VEGFC: variants seen among roughly 807,000 people sequenced by gnomAD.
VEGFC encodes FLT4 ligand DHM.
Under a neutral mutation model 46.1 loss-of-function variants are expected in VEGFC, and 12 were observed. The ratio of observed to expected loss-of-function variants is 0.26; its 90% CI spans 0.17 to 0.42. The LOEUF is 0.42. VEGFC is among the 10% of genes least tolerant of loss of function. The probability of loss-of-function intolerance (pLI) is 1.00; values close to 1 mark genes in which losing one functional copy is unlikely to be tolerated. For missense variants in VEGFC, 488 were observed against 529.4 expected, an observed-to-expected ratio of 0.92 and a Z score of 0.77; for synonymous variants, 232 against 195.5, an observed-to-expected ratio of 1.19 and a Z score of -1.56.
chr4:176,774,448 T>C (rs1453325254), intron 1 of VEGFC, among the ~76,000 whole-genome samples: 4 of 152,222 alleles, frequency 2.6e-5, no homozygotes, highest in Non-Finnish European at 5.9e-5. Context: ...TCAGCCACTA[T>C]TATTTCGTTA....
At chr4:176,752,483 G>A (rs76451087) in intron 1 of VEGFC, among the ~76,000 whole-genome samples, 1,782 of 152,158 alleles carry the variant, frequency 0.012, 18 homozygotes, top group African/African-American at 0.03. Context: ...TTCAGTAGGA[G>A]CACAATGCCT....
At chr4:176,706,560 A>C (rs1168905466) in intron 4 of VEGFC, among the ~76,000 whole-genome samples, 1 of 126,828 alleles carries the variant, frequency 7.9e-6, no homozygotes, top group African/African-American at 3.0e-5. Flanking sequence ...CAGGAGGAGG[A>C]GGTTGCAGTG....
chr4:176,750,768 A>G (rs1348201601), intron 1 of VEGFC, among the ~76,000 whole-genome samples: 1 of 151,784 alleles, frequency 6.6e-6, no homozygotes, highest in Non-Finnish European at 1.5e-5. Flanking sequence ...AAAAGATCAC[A>G]AACAATTTCA....
intron 1 of VEGFC, among the ~76,000 whole-genome samples, chr4:176,747,989 T>C (rs572650477): frequency 9.0e-4 from 137 of 151,938 alleles, no homozygotes; most frequent in African/African-American, 3.1e-3. Context: ...AAAAATTTCA[T>C]TTAAACAAAT....
chr4:176,752,451 C>A (rs1399869253), intron 1 of VEGFC, among the ~76,000 whole-genome samples: 1 of 152,018 alleles, frequency 6.6e-6, no homozygotes, highest in Non-Finnish European at 1.5e-5. Context: ...AAGGTTACTG[C>A]CAACAAAACT....
Position 176,792,181 on chromosome 4 carries a change from T to C in VEGFC, c.131A>G (p.Asp44Gly). The stretch of plus-strand genomic sequence containing the variant: ...CAGACCTACCGTGGCCTCGCCCGCG[T>C]CGGGCTCCGCGTCCGAGAGGTCGAG... ...SGLDLSDAEP[D>G]AGEATAYASK... Residue 44 changes from aspartate to glycine, a missense_variant, in exon 1 of 7, where the codon GAC becomes GGC. Physicochemically the swap from Asp to Gly is moderately conservative, Grantham distance 94. Coordinates refer to ENST00000618562, the MANE Select transcript of VEGFC (RefSeq NM_005429.5). This position sits in a 1 kb window ranked among gnomAD's most constrained non-coding sequence, Gnocchi z 6.3. The C allele has an allele frequency of 6.6e-7, 1 of 1,520,032 alleles. No individual in the cohort carries two copies. Among genetic ancestry groups the C allele is most frequent in the Non-Finnish European group, 8.8e-7 (1 of 1,138,166 alleles). 94.2% of individuals were successfully genotyped at this position (1,520,032 alleles called of 1,614,324 possible).
At position 176,687,478 on chromosome 4, in the gene VEGFC, T is replaced by C. The variant is rs1183744358; in HGVS notation, c.854A>G (p.Glu285Gly). ...GFHDICGPNKELDEETCQCVC... is the reference protein window; with the variant it reads ...GFHDICGPNKGLDEETCQCVC... Reference sequence around the variant, plus strand: ...ACACTGACAGGTCTCTTCATCCAGCTCCTTGTTTGGTCCACAGATGTCATG... The same window carrying C: ...ACACTGACAGGTCTCTTCATCCAGCCCCTTGTTTGGTCCACAGATGTCATG... The change falls in exon 6 of 7, where the codon GAG becomes GGG. Residue 285 changes from glutamate to glycine, a missense_variant. By Grantham distance (98) the Glu-to-Gly change is moderately conservative. Coordinates refer to ENST00000618562, the MANE Select transcript of VEGFC (RefSeq NM_005429.5). 1 of 1,613,132 alleles carries C rather than the reference T, an allele frequency of 6.2e-7. No homozygotes were observed. Among genetic ancestry groups the C allele is most frequent in the Non-Finnish European group, 8.5e-7 (1 of 1,179,566 alleles).
At position 176,792,616 on chromosome 4, in the gene VEGFC, G is replaced by A; in HGVS notation, c.-305C>T. 3.6e-6 allele frequency: 1 copy of A among 277,378 alleles called. No homozygotes were observed. Among genetic ancestry groups the A allele is most frequent in the Non-Finnish European group, 6.7e-6 (1 of 149,714 alleles). The allele number at this position is 277,378 out of a possible 1,614,324, so 17.2% of individuals were successfully genotyped here. On this transcript the variant is annotated 5_prime_UTR_variant, in exon 1 of 7. Coordinates refer to ENST00000618562, the MANE Select transcript of VEGFC (RefSeq NM_005429.5). This position sits in a 1 kb window ranked among gnomAD's most constrained non-coding sequence, Gnocchi z 6.3. ...AGGTGAAGCGAGGGCGAGGGAGGACGCCGCCGCGGTCCGCGTCGGTGTAGC... is the reference window on the plus strand; with the variant it reads ...AGGTGAAGCGAGGGCGAGGGAGGACACCGCCGCGGTCCGCGTCGGTGTAGC...
chr4:176,686,776 A>G (rs1053365220), intron 6 of VEGFC, among the ~76,000 whole-genome samples: 1 of 152,166 alleles, frequency 6.6e-6, no homozygotes, highest in African/African-American at 2.4e-5. Flanking sequence ...ATTTCCAGAT[A>G]TAATTCTATA....
intron 5 of VEGFC, 53 bp from the exon 6 acceptor site, chr4:176,687,573 G>T: frequency 6.9e-7 from 1 of 1,448,446 alleles, no homozygotes. Context: ...TCTGGGTGTG[G>T]CATGAAACAA....
intron 1 of VEGFC, among the ~76,000 whole-genome samples, chr4:176,734,598 G>C (rs1318953108): frequency 1.3e-5 from 2 of 151,732 alleles, no homozygotes; most frequent in Non-Finnish European, 2.9e-5. Context: ...TGTCAAATGT[G>C]AAGTCATTAT....
At chr4:176,696,253 A>G (rs1560936788) in intron 4 of VEGFC, among the ~76,000 whole-genome samples, 1 of 151,708 alleles carries the variant, frequency 6.6e-6, no homozygotes, top group Admixed American at 6.6e-5. Context: ...TCAGCCAAAA[A>G]TCTCCTTAAG....
At chr4:176,686,417 T>C (rs555661326) in intron 6 of VEGFC, among the ~76,000 whole-genome samples, 6 of 152,196 alleles carry the variant, frequency 3.9e-5, no homozygotes, top group Admixed American at 6.5e-5. Context: ...AAGAGGCTAA[T>C]AAAATAGAAG....
intron 1 of VEGFC, among the ~76,000 whole-genome samples, chr4:176,756,485 AAG>A (rs140301481): frequency 0.011 from 1,701 of 152,148 alleles, 24 homozygotes; most frequent in Middle Eastern, 0.099. Context: ...CTCCACAAAA[AAG>A]AGCCAGTCAT....
At chr4:176,784,756 CAAAAAAAAAA>C (rs5864405) in intron 1 of VEGFC, among the ~76,000 whole-genome samples, 6 of 22,992 alleles carry the variant, frequency 2.6e-4, no homozygotes, top group Non-Finnish European at 7.4e-4. Context: ...GAGTCTGTCT[CAAAAAAAAAA>C]AAAAAAAAAA....
At chr4:176,779,187 A>G (rs1735866167) in intron 1 of VEGFC, among the ~76,000 whole-genome samples, 1 of 152,210 alleles carries the variant, frequency 6.6e-6, no homozygotes, top group Admixed American at 6.5e-5. Context: ...ACAATTAGAG[A>G]TGAAAAGACA....
chr4:176,783,250 C>A (rs1313776481), intron 1 of VEGFC, among the ~76,000 whole-genome samples: 1 of 152,184 alleles, frequency 6.6e-6, no homozygotes, highest in East Asian at 1.9e-4. Flanking sequence ...GAAGAGGGTC[C>A]CTTAGGAACA....
At chr4:176,692,854 C>G (rs578237273) in intron 4 of VEGFC, among the ~76,000 whole-genome samples, 5 of 146,442 alleles carry the variant, frequency 3.4e-5, no homozygotes, top group African/African-American at 1.1e-4. Flanking sequence ...GAGGCACCCC[C>G]CAGCAGGGGC....
intron 3 of VEGFC, among the ~76,000 whole-genome samples, chr4:176,715,352 T>TA (rs2111002960): frequency 6.6e-6 from 1 of 152,302 alleles, no homozygotes; most frequent in African/African-American, 2.4e-5. Flanking sequence ...GAAAAAATTT[T>TA]AAGAGTCCAG....
Sources: allele counts gnomAD v4.1 joint callset (sites outside exome capture counted in the v4.1 genomes callset), GRCh38; gene constraint gnomAD v4.1.1; non-coding constraint Gnocchi (gnomAD v3.1); transcripts MANE v1.5; gene names NCBI Gene and HGNC (gene_info 2026-07-23, HGNC 2026-07-21).